PCDHA2: variants seen among roughly 807,000 people sequenced by gnomAD.
The protein encoded by PCDHA2 is protocadherin alpha-2.
A neutral mutation model predicts 66.0 loss-of-function variants in PCDHA2; 58 were observed. The ratio of observed to expected loss-of-function variants is 0.88; its 90% CI spans 0.71 to 1.09. The LOEUF (loss-of-function observed/expected upper bound fraction) is 1.09, where lower values mean the gene tolerates loss of function less well. Among genes scored for constraint, PCDHA2 ranks in the 50% least tolerant of loss-of-function variants. The pLI, the probability that PCDHA2 is intolerant of heterozygous loss-of-function variation, is 0.00. For missense variants in PCDHA2, 1,267 were observed against 1,242.3 expected (o/e 1.02, Z -0.30); for synonymous variants, 634 against 554.0 (o/e 1.14, Z -2.03).
At chr5:140,941,198 TCTTC>T (rs202127003) in intron 1 of PCDHA2, among the ~76,000 whole-genome samples, 9,614 of 119,776 alleles carry the variant, frequency 0.08, 511 homozygotes, top group Non-Finnish European at 0.089. Context: ...TTTTTTTCTT[TCTTC>T]CTTTCTTTCT....
chr5:141,006,384 T>C, intron 3 of PCDHA2, among the ~76,000 whole-genome samples: 2 of 152,126 alleles, frequency 1.3e-5, no homozygotes, highest in South Asian at 4.2e-4. Flanking sequence ...GCTAAGTTTT[T>C]TCTATTTTTT....
intron 1 of PCDHA2, among the ~76,000 whole-genome samples, chr5:140,917,241 C>G (rs1383271236): frequency 6.7e-6 from 1 of 150,002 alleles, no homozygotes; most frequent in Non-Finnish European, 1.5e-5. Context: ...AATCTAGGTA[C>G]TACGATTGCT....
At chr5:140,801,404 A>G (rs1762700744) in intron 1 of PCDHA2, 1 of 1,613,598 alleles carries the variant, frequency 6.2e-7, no homozygotes, top group African/African-American at 1.3e-5. Context: ...TGGCGTCCAA[A>G]AGACACGGGG....
intron 1 of PCDHA2, chr5:140,830,504 T>C: frequency 1.4e-6 from 2 of 1,433,114 alleles, no homozygotes; most frequent in Non-Finnish European, 1.9e-6. Flanking sequence ...ATTTTCATAA[T>C]TAACAGTTAA....
At chr5:140,925,955 G>A (rs1350124934) in intron 1 of PCDHA2, among the ~76,000 whole-genome samples, 1 of 152,076 alleles carries the variant, frequency 6.6e-6, no homozygotes, top group Non-Finnish European at 1.5e-5. Context: ...AGGAGAAACT[G>A]CTATCACGCA....
At chr5:140,836,761 T>C in intron 1 of PCDHA2, 2 of 1,569,180 alleles carry the variant, frequency 1.3e-6, no homozygotes, top group Non-Finnish European at 1.7e-6. Flanking sequence ...TAATCTTGTT[T>C]CCAACAATTT....
At chr5:140,888,843 G>T (rs2153425504) in intron 1 of PCDHA2, among the ~76,000 whole-genome samples, 1 of 152,082 alleles carries the variant, frequency 6.6e-6, no homozygotes, top group East Asian at 1.9e-4. Context: ...ACTGCAGCCT[G>T]GTGACAGAGT....
chr5:140,923,343 T>C (rs1251719779), intron 1 of PCDHA2, among the ~76,000 whole-genome samples: 1 of 152,122 alleles, frequency 6.6e-6, no homozygotes, highest in African/African-American at 2.4e-5. Flanking sequence ...TTGGGCAACA[T>C]AGTGGGACCC....
At chr5:140,982,312 T>C in intron 2 of PCDHA2, 163 bp from the exon 3 acceptor site, 1 of 1,315,948 alleles carries the variant, frequency 7.6e-7, no homozygotes, top group Non-Finnish European at 1.0e-6. Context: ...TTCTGCAGTT[T>C]ATGCAGGGTG....
chr5:140,843,170 A>G, intron 1 of PCDHA2: 1 of 1,596,072 alleles, frequency 6.3e-7, no homozygotes, highest in Non-Finnish European at 8.6e-7. Flanking sequence ...AGCTGCAAGC[A>G]GCCCTCGCAT....
intron 1 of PCDHA2, among the ~76,000 whole-genome samples, chr5:140,960,168 T>C (rs569250147): frequency 9.2e-5 from 14 of 152,300 alleles, no homozygotes; most frequent in African/African-American, 3.1e-4. Flanking sequence ...AATACAATTC[T>C]TAAGTTAGGG....
intron 1 of PCDHA2, chr5:140,869,581 GC>G: frequency 6.2e-7 from 1 of 1,614,134 alleles, no homozygotes; most frequent in Non-Finnish European, 8.5e-7. Flanking sequence ...AGCTTCTGAT[GC>G]TGACATTGAA....
At chr5:140,973,833 T>C (rs1332537198) in intron 1 of PCDHA2, among the ~76,000 whole-genome samples, 1 of 152,242 alleles carries the variant, frequency 6.6e-6, no homozygotes, top group Non-Finnish European at 1.5e-5. Context: ...TCTGGGTACT[T>C]GCTTGTTGCC....
intron 1 of PCDHA2, chr5:140,869,887 C>A: frequency 1.9e-6 from 3 of 1,610,174 alleles, no homozygotes; most frequent in Non-Finnish European, 2.5e-6. Context: ...AACTCTTGTG[C>A]TCAAACTAAA....
chr5:140,872,582 G>A (rs535860760), intron 1 of PCDHA2, among the ~76,000 whole-genome samples: 8 of 152,084 alleles, frequency 5.3e-5, no homozygotes, highest in Non-Finnish European at 1.2e-4. Flanking sequence ...ACCTATCATC[G>A]TGAGACCCCC....
intron 1 of PCDHA2, chr5:140,802,366 C>T (rs1467501869): frequency 1.2e-6 from 2 of 1,614,244 alleles, no homozygotes; most frequent in Non-Finnish European, 8.5e-7. Flanking sequence ...TGCTCGCTGA[C>T]GCCCCACGTC....
At chr5:140,898,705 A>G (rs1351081569) in intron 1 of PCDHA2, among the ~76,000 whole-genome samples, 2 of 152,142 alleles carry the variant, frequency 1.3e-5, no homozygotes, top group African/African-American at 4.8e-5. Flanking sequence ...ACTTTAAAGT[A>G]GTTTTTTCCA....
intron 1 of PCDHA2, among the ~76,000 whole-genome samples, chr5:140,888,737 A>G (rs1468383652): frequency 6.6e-6 from 1 of 152,036 alleles, no homozygotes; most frequent in Non-Finnish European, 1.5e-5. Flanking sequence ...TGTGAGCTCT[A>G]GGAATTATTC....
rs190430267 is a variant in PCDHA2 at position 140,870,766 on chromosome 5, C to A, written c.2388+73414C>A. The A allele has an allele frequency of 3.4e-4, 554 of 1,613,562 alleles. 3 individuals are homozygous for A. The African/African-American group carries it at 6.6e-3, about 19-fold the overall frequency. On this transcript the variant is annotated intron_variant, in intron 1 of 3. Coordinates refer to ENST00000526136, the MANE Select transcript of PCDHA2 (RefSeq NM_018905.3). ...CAACGTGACGCTGCAGGTGTTCGTG[C>A]TGGACGAGAACGACAACGCGCCGGC...
Sources: allele counts gnomAD v4.1 joint callset (sites outside exome capture counted in the v4.1 genomes callset), GRCh38; gene constraint gnomAD v4.1.1; transcripts MANE v1.5; gene names NCBI Gene and HGNC (gene_info 2026-07-23, HGNC 2026-07-21).